PCDHGB5: variants seen among roughly 807,000 people sequenced by gnomAD.
PCDHGB5 encodes the protein protocadherin gamma subfamily B, 5.
Under a neutral mutation model 62.9 loss-of-function variants are expected in PCDHGB5, and 48 were observed. The ratio of observed to expected loss-of-function variants is 0.76; its 90% confidence interval spans 0.61 to 0.97. The LOEUF (loss-of-function observed/expected upper bound fraction) is 0.97. Among genes scored for constraint, PCDHGB5 ranks in the 50% least tolerant of loss-of-function variants. PCDHGB5 has a pLI of 0.00. For synonymous variants in PCDHGB5, 474 were observed against 511.2 expected, an observed-to-expected ratio of 0.93 and a Z score of 0.98; for missense variants, 1,118 against 1,198.6, an observed-to-expected ratio of 0.93 and a Z score of 0.99.
At chr5:141,488,525 G>A (rs1040463796) in intron 1 of PCDHGB5, among the ~76,000 whole-genome samples, 1 of 152,182 alleles carries the variant, frequency 6.6e-6, no homozygotes, top group African/African-American at 2.4e-5. Flanking sequence ...TGGGGTGTCA[G>A]AAAAGCTAAG....
In PCDHGB5 at chr5:141,493,548, G is replaced by A. The variant is rs1243278355; in HGVS notation, c.2398-1259G>A. 3.9e-5 allele frequency among the ~76,000 whole-genome samples: 6 copies of A among 152,196 alleles called. No homozygotes were observed. ...AAACTTGGCCAGTTATCCTTTTGGA[G>A]ATTGAGTTCCCCCAGCTCCGTTTCC... On this transcript the variant is annotated intron_variant, in intron 1 of 3. Coordinates refer to ENST00000617380, the MANE Select transcript of PCDHGB5 (RefSeq NM_018925.3). This position sits in a 1 kb window ranked among gnomAD's most constrained non-coding sequence, Gnocchi z 4.3.
intron 1 of PCDHGB5, chr5:141,427,312 C>T (rs1438759401): frequency 4.4e-6 from 2 of 456,954 alleles, no homozygotes; most frequent in East Asian, 6.9e-5. Context: ...GACAATGCCC[C>T]AGACGTGGTT....
intron 1 of PCDHGB5, chr5:141,430,886 T>C: frequency 6.2e-7 from 1 of 1,605,190 alleles, no homozygotes; most frequent in Non-Finnish European, 8.5e-7. Context: ...GGAGAAAGGC[T>C]CTAGGGTGGG....
Position 141,398,855 on chromosome 5 carries a change from A to C in PCDHGB5, c.728A>C (p.Asn243Thr). Reference protein sequence around the residue: ...TDANDNPPVFNRDVYRVSLRE... With the variant: ...TDANDNPPVFTRDVYRVSLRE... ...GCCAATGATAATCCCCCGGTATTCA[A>C]CCGAGACGTGTACAGAGTCAGCCTT... The change falls in exon 1 of 4, where the codon AAC (asparagine) becomes ACC (threonine). Residue 243 changes from asparagine to threonine, a missense_variant. Asn to Thr is a moderately conservative substitution (Grantham distance 65). Coordinates refer to ENST00000617380, the MANE Select transcript of PCDHGB5 (RefSeq NM_018925.3). 1 of 1,613,970 alleles carries C rather than the reference A, an allele frequency of 6.2e-7. No homozygotes were observed. Among genetic ancestry groups the C allele is most frequent in the Non-Finnish European group, 8.5e-7 (1 of 1,179,884 alleles).
chr5:141,455,104 G>T (rs2098813087), intron 1 of PCDHGB5, among the ~76,000 whole-genome samples: 1 of 151,780 alleles, frequency 6.6e-6, no homozygotes, highest in Non-Finnish European at 1.5e-5. Flanking sequence ...GAGCCACTGC[G>T]CCCGGTGGGT....
intron 1 of PCDHGB5, chr5:141,409,190 C>T (rs868189970): frequency 6.2e-7 from 1 of 1,613,986 alleles, no homozygotes; most frequent in Non-Finnish European, 8.5e-7. Context: ...TCTCTCTACC[C>T]AGTGTAAAGT....
intron 1 of PCDHGB5, among the ~76,000 whole-genome samples, chr5:141,437,431 A>G (rs1282194918): frequency 6.6e-6 from 1 of 152,234 alleles, no homozygotes; most frequent in African/African-American, 2.4e-5. Flanking sequence ...TGAAGCAGCA[A>G]TAGCATAGGA....
chr5:141,408,287 C>G (rs2095075582), intron 1 of PCDHGB5: 1 of 1,613,354 alleles, frequency 6.2e-7, no homozygotes, highest in African/African-American at 1.3e-5. Flanking sequence ...CTACCCCACC[C>G]TGAGTGAGCC....
chr5:141,486,816 C>G lies in PCDHGB5; in HGVS notation c.2398-7991C>G. The G allele has an allele frequency of 6.2e-7, 1 of 1,614,252 alleles. No individual in the cohort carries two copies. Among genetic ancestry groups the G allele is most frequent in the East Asian group, 2.2e-5 (1 of 44,884 alleles). ...CGGGGCAACCCACCCCTTAGCAGCACTGTAACAGTTCGTCTATTTGTGCTG... is the reference window on the plus strand; with the variant it reads ...CGGGGCAACCCACCCCTTAGCAGCAGTGTAACAGTTCGTCTATTTGTGCTG... On this transcript the variant is annotated intron_variant, in intron 1 of 3. Coordinates refer to ENST00000617380, the MANE Select transcript of PCDHGB5 (RefSeq NM_018925.3). The surrounding 1 kb of genome is among the most constrained non-coding windows in gnomAD (Gnocchi z 5.0).
At position 141,477,415 on chromosome 5, in the gene PCDHGB5, A is replaced by T. The variant is rs771293212; in HGVS notation, c.2398-17392A>T. On this transcript the variant is annotated intron_variant, in intron 1 of 3. Coordinates refer to ENST00000617380, the MANE Select transcript of PCDHGB5 (RefSeq NM_018925.3). This position sits in a 1 kb window ranked among gnomAD's most constrained non-coding sequence, Gnocchi z 4.9. ...TCAGCATCACCGCCCGAGACGCCGG[A>T]ACCCCTTCCCTCTCAGCCCTTACAA... 12 of 1,614,162 alleles carry T rather than the reference A, an allele frequency of 7.4e-6. No individual in the cohort carries two copies. The highest frequency in any genetic ancestry group is 1.0e-5 in the Non-Finnish European group (12 of 1,180,020).
chr5:141,441,813 A>T, intron 1 of PCDHGB5: 1 of 365,242 alleles, frequency 2.7e-6, no homozygotes, highest in South Asian at 2.3e-5. Context: ...GCTGTACCCC[A>T]GCTCTGGAGC....
In PCDHGB5 at chr5:141,486,017, A is replaced by G. The variant is rs746747518; in HGVS notation, c.2398-8790A>G. On this transcript the variant is annotated intron_variant, in intron 1 of 3. Transcript: ENST00000617380. The surrounding 1 kb of genome is among the most constrained non-coding windows in gnomAD (Gnocchi z 5.0). ...CAGTGGTAACGTCACCTTTTATTTC[A>G]GTGGTCATACCCCTGATCGTGTAAG... The G allele has an allele frequency of 6.2e-7, 1 of 1,614,176 alleles. No homozygotes were observed. The highest frequency in any genetic ancestry group is 1.7e-5 in the Admixed American group (1 of 60,026).
intron 1 of PCDHGB5, chr5:141,412,954 C>A (rs2095592297): frequency 2.1e-6 from 1 of 482,442 alleles, no homozygotes; most frequent in Non-Finnish European, 3.6e-6. Flanking sequence ...CGCCGCTGTT[C>A]ACCTACTAGG....
chr5:141,494,773 G>C, intron 1 of PCDHGB5, 34 bp from the exon 2 acceptor site: 1 of 1,613,966 alleles, frequency 6.2e-7, no homozygotes, highest in Non-Finnish European at 8.5e-7. Context: ...CTTCTCACGG[G>C]TACTCAGCCC....
Position 141,398,729 on chromosome 5 carries a change from A to T in PCDHGB5, c.602A>T (p.Asp201Val). ...GAACTGGCACTGGAGAAAACCTTAG[A>T]CCGGGAACAACAGAGTTACCATCGT... ...YPELALEKTL[D>V]REQQSYHRLV... Residue 201 changes from aspartate to valine, a missense_variant, in exon 1 of 4, where the codon GAC becomes GTC. Asp to Val is a radical substitution (Grantham distance 152, BLOSUM62 -3). Coordinates refer to ENST00000617380, the MANE Select transcript of PCDHGB5 (RefSeq NM_018925.3). 6.2e-7 allele frequency: 1 copy of T among 1,613,820 alleles called. No individual in the cohort carries two copies. Among genetic ancestry groups the T allele is most frequent in the Non-Finnish European group, 8.5e-7 (1 of 1,179,900 alleles).
Position 141,496,888 on chromosome 5 carries a change from TA to T in PCDHGB5, c.2456+2038del, listed in dbSNP as rs35063790. 4.6e-3 allele frequency among the ~76,000 whole-genome samples: 621 copies of T among 133,932 alleles called. 1 individual carries two copies. Among genetic ancestry groups the T allele is most frequent in the Middle Eastern group, 0.011 (3 of 270 alleles). 87.9% of individuals were successfully genotyped at this position (133,932 alleles called of 152,430 possible). ...CTGAAAATTTGCAACAAGTAACACT[TA>T]AAAAAAAAAAAAAAGGCTGGGCACT... On this transcript the variant is annotated intron_variant, in intron 2 of 3. Coordinates refer to ENST00000617380, the MANE Select transcript of PCDHGB5 (RefSeq NM_018925.3).
intron 1 of PCDHGB5, among the ~76,000 whole-genome samples, chr5:141,450,082 C>T (rs2098668421): frequency 6.8e-6 from 1 of 147,384 alleles, no homozygotes. Context: ...TCTTGGCTCA[C>T]TGCAACCTCC....
chr5:141,405,418 T>C (rs2094662415), intron 1 of PCDHGB5: 1 of 1,508,444 alleles, frequency 6.6e-7, no homozygotes, highest in South Asian at 1.2e-5. Context: ...TTTTTTTGTT[T>C]TTTGTTTTGT....
intron 1 of PCDHGB5, among the ~76,000 whole-genome samples, chr5:141,458,351 T>A (rs903399511): frequency 2.0e-5 from 3 of 152,010 alleles, no homozygotes; most frequent in African/African-American, 7.3e-5. Flanking sequence ...GAGAGTTTAA[T>A]AAGCAAGAAG....
Sources: gnomAD v4.1 joint callset for allele counts (sites outside exome capture counted in the v4.1 genomes callset) on GRCh38, gnomAD v4.1.1 for gene constraint, Gnocchi (gnomAD v3.1) non-coding constraint, MANE v1.5 for transcripts, NCBI Gene and HGNC (gene_info 2026-07-23, HGNC 2026-07-21) for gene names.